Variants in BARX2 observed in about 807,000 individuals in gnomAD.
The protein encoded by BARX2 is homeobox protein BarH-like 2.
Under a neutral mutation model 25.5 loss-of-function variants are expected in BARX2, and 11 were observed. That is an observed-to-expected ratio of 0.43 (90% confidence interval 0.27 to 0.71). BARX2 has a LOEUF of 0.71. Among genes scored for constraint, BARX2 ranks in the 30% least tolerant of loss-of-function variants. BARX2 has a pLI of 0.19. For missense variants in BARX2, 360 were observed against 359.9 expected, an observed-to-expected ratio of 1.00 and a Z score of 0.00; for synonymous variants, 137 against 149.5, an observed-to-expected ratio of 0.92 and a Z score of 0.61.
In BARX2 at chr11:129,376,367, A is replaced by G. The variant is rs1423325240; in HGVS notation, c.187+145A>G. ...CCTCAGCAAGCGGTGGGCATTGCAA[A>G]GGCATCTGCGACGTGGCCGGGAAGG... is the stretch of plus-strand genomic sequence containing the variant. On this transcript the variant is annotated intron_variant, in intron 1 of 3. Transcript: ENST00000281437. The surrounding 1 kb of genome is among the most constrained non-coding windows in gnomAD (Gnocchi z 4.2). The G allele has an allele frequency of 1.2e-6, 1 of 847,206 alleles. No individual in the cohort carries two copies. Among genetic ancestry groups the G allele is most frequent in the Non-Finnish European group, 1.8e-6 (1 of 563,472 alleles). The allele number at this position is 847,206 out of a possible 1,614,324, so 52.5% of individuals were successfully genotyped here. A position where few individuals can be genotyped will look rare whatever the true frequency, so the allele number is the denominator to read the frequency against.
chr11:129,385,995 A>G lies in BARX2; in HGVS notation c.187+9773A>G, dbSNP rs562526581. On this transcript the variant is annotated intron_variant, in intron 1 of 3. Transcript: ENST00000281437. ...CACTTTATAACTAAACATATGTACAACTCACACTGAAACAACCACTGTGGC... is the reference window on the plus strand; with the variant it reads ...CACTTTATAACTAAACATATGTACAGCTCACACTGAAACAACCACTGTGGC... 2.4e-3 allele frequency among the ~76,000 whole-genome samples: 358 copies of G among 152,236 alleles called. 1 individual carries two copies. Among genetic ancestry groups the G allele is most frequent in the African/African-American group, 8.4e-3 (347 of 41,532 alleles).
chr11:129,439,507 A>C (rs545202683), intron 2 of BARX2, among the ~76,000 whole-genome samples: 1 of 152,266 alleles, frequency 6.6e-6, no homozygotes, highest in Non-Finnish European at 1.5e-5. Context: ...ACAATCTTGA[A>C]GAGAGAATTG....
At position 129,408,020 on chromosome 11, in the gene BARX2, CAAAAAAAAAAAA is replaced by C. The variant is rs59310534; in HGVS notation, c.188-28715_188-28704del. 2.4e-4 allele frequency among the ~76,000 whole-genome samples: 11 copies of C among 46,490 alleles called. No homozygotes were observed. The South Asian group carries it at 5.7e-3, about 24-fold the overall frequency. The allele number at this position is 46,490 out of a possible 152,430, so 30.5% of individuals were successfully genotyped here. ...ATTGAGACAGAGCCAGACTCCGTCTCAAAAAAAAAAAAAAAAAAAAAAAAAAAGTTGGAGCAC... is the reference window on the plus strand; with the variant it reads ...ATTGAGACAGAGCCAGACTCCGTCTCAAAAAAAAAAAAAAAGTTGGAGCAC... On this transcript the variant is annotated intron_variant, in intron 1 of 3. Transcript: ENST00000281437.
intron 1 of BARX2, among the ~76,000 whole-genome samples, chr11:129,415,547 T>C (rs1325176980): frequency 1.3e-5 from 2 of 152,178 alleles, no homozygotes; most frequent in Non-Finnish European, 2.9e-5. Flanking sequence ...CCCATTACTT[T>C]TGATATGTCT....
intron 1 of BARX2, among the ~76,000 whole-genome samples, chr11:129,433,944 G>A (rs990495047): frequency 2.0e-5 from 3 of 152,186 alleles, no homozygotes; most frequent in African/African-American, 7.2e-5. Context: ...CCAGAGCGGA[G>A]TGTAGCCCAT....
intron 1 of BARX2, among the ~76,000 whole-genome samples, chr11:129,411,142 C>T (rs916830119): frequency 2.6e-5 from 4 of 151,996 alleles, no homozygotes; most frequent in South Asian, 2.1e-4. Context: ...GAGGCCGAGG[C>T]GGGTGGATCA....
chr11:129,442,556 A>C (rs747647889), intron 2 of BARX2, among the ~76,000 whole-genome samples: 3 of 152,166 alleles, frequency 2.0e-5, no homozygotes, highest in Non-Finnish European at 2.9e-5. Flanking sequence ...GAGAAGCCCC[A>C]GGCATCCTTC....
rs371012632 is a variant in BARX2 at position 129,427,086 on chromosome 11, T to G, written c.188-9665T>G. On this transcript the variant is annotated intron_variant, in intron 1 of 3. Coordinates refer to ENST00000281437, the MANE Select transcript of BARX2 (RefSeq NM_003658.5). Reference sequence around the variant, plus strand: ...TAGGTGTGCTTTCTTGATAAGAAAATTAATCTACTTTAATTTGGCTCAATC... The same window carrying G: ...TAGGTGTGCTTTCTTGATAAGAAAAGTAATCTACTTTAATTTGGCTCAATC... Among the ~76,000 whole-genome samples, 41 of 152,272 alleles carry G rather than the reference T, an allele frequency of 2.7e-4. No homozygotes were observed. In the South Asian group the frequency reaches 3.7e-3, roughly 14 times the overall value.
intron 1 of BARX2, among the ~76,000 whole-genome samples, chr11:129,382,884 G>A (rs1021695311): frequency 5.3e-5 from 8 of 152,158 alleles, no homozygotes; most frequent in Non-Finnish European, 1.0e-4. Flanking sequence ...GCATGACGAC[G>A]AGAAGAAGAG....
At chr11:129,387,618 T>G (rs759247081) in intron 1 of BARX2, among the ~76,000 whole-genome samples, 12 of 152,230 alleles carry the variant, frequency 7.9e-5, no homozygotes, top group Non-Finnish European at 1.6e-4. Flanking sequence ...TGGTAACTCA[T>G]TAATGAACCT....
intron 1 of BARX2, among the ~76,000 whole-genome samples, chr11:129,415,328 C>G (rs1161321474): frequency 6.6e-6 from 1 of 152,160 alleles, no homozygotes; most frequent in Non-Finnish European, 1.5e-5. Flanking sequence ...CTCCTCATGG[C>G]CCTTTCTCCC....
intron 1 of BARX2, among the ~76,000 whole-genome samples, chr11:129,381,797 G>GA (rs1201343504): frequency 2.0e-5 from 3 of 151,934 alleles, no homozygotes; most frequent in South Asian, 4.2e-4. Context: ...AGATTGAAAG[G>GA]AAAAAAAAGA....
chr11:129,427,621 G>A (rs1862080359), intron 1 of BARX2, among the ~76,000 whole-genome samples: 1 of 152,212 alleles, frequency 6.6e-6, no homozygotes, highest in African/African-American at 2.4e-5. Flanking sequence ...AACTGGAAAT[G>A]TGGGTGTGGA....
intron 1 of BARX2, among the ~76,000 whole-genome samples, chr11:129,432,540 A>T (rs894791196): frequency 4.6e-5 from 7 of 152,258 alleles, no homozygotes; most frequent in African/African-American, 1.7e-4. Context: ...TCCCAGGAGA[A>T]CACCCACAAT....
chr11:129,442,883 C>T lies in BARX2; in HGVS notation c.537C>T (p.Thr179=). 1.2e-6 allele frequency: 2 copies of T among 1,613,904 alleles called. No individual in the cohort carries two copies. The highest frequency in any genetic ancestry group is 1.7e-6 in the Non-Finnish European group (2 of 1,179,896). The stretch of plus-strand genomic sequence containing the variant: ...GACTCACTCAGCTGCAGGTGAAGAC[C>T]TGGTATCAGAATCGCAGGATGAAAT... ...SLGLTQLQVK[T]WYQNRRMKWK... The change falls in exon 3 of 4, where the codon ACC becomes ACT. Residue 179 remains threonine, a synonymous_variant. Transcript: ENST00000281437.
intron 1 of BARX2, among the ~76,000 whole-genome samples, chr11:129,393,298 G>A (rs1232435677): frequency 6.6e-6 from 1 of 152,054 alleles, no homozygotes; most frequent in Non-Finnish European, 1.5e-5. Flanking sequence ...ATCACCCTTT[G>A]GGAACTCTAT....
chr11:129,429,612 G>A (rs549930874), intron 1 of BARX2, among the ~76,000 whole-genome samples: 14 of 152,208 alleles, frequency 9.2e-5, no homozygotes, highest in Non-Finnish European at 1.6e-4. Context: ...GGGGGGACTC[G>A]TTCTACCAGA....
chr11:129,412,230 T>C (rs1262446126), intron 1 of BARX2, among the ~76,000 whole-genome samples: 3 of 150,684 alleles, frequency 2.0e-5, no homozygotes, highest in Non-Finnish European at 3.0e-5. Flanking sequence ...CGAGATCGCG[T>C]CACTGCACTC....
At chr11:129,434,255 A>G (rs1486404546) in intron 1 of BARX2, among the ~76,000 whole-genome samples, 2 of 10,310 alleles carry the variant, frequency 1.9e-4, no homozygotes, top group Non-Finnish European at 3.2e-4. Flanking sequence ...ATCAGTTTAT[A>G]TGTTTTTTTT....
Sources: gnomAD v4.1 joint callset for allele counts (sites outside exome capture counted in the v4.1 genomes callset) on GRCh38, gnomAD v4.1.1 for gene constraint, Gnocchi (gnomAD v3.1) non-coding constraint, MANE v1.5 for transcripts, NCBI Gene and HGNC (gene_info 2026-07-23, HGNC 2026-07-21) for gene names.